HMGN2: variants seen among roughly 807,000 people sequenced by gnomAD.
The protein encoded by HMGN2 is high mobility group nucleosomal binding domain 2.
In HMGN2, 2 loss-of-function variants were observed where a neutral mutation model predicts 16.9. The observed-to-expected ratio is 0.12, with a 90% CI of 0.05 to 0.37. The LOEUF is 0.37. Ranked by LOEUF, HMGN2 falls within the 10% of genes least tolerant of loss-of-function variation. The pLI is 1.00. For synonymous variants in HMGN2, 31 were observed against 34.9 expected (o/e 0.89, Z 0.39); for missense variants, 90 against 106.0 (o/e 0.85, Z 0.66).
At chr1:26,473,899 T>A in intron 3 of HMGN2, 167 bp downstream of exon 3, 1 of 805,818 alleles carries the variant, frequency 1.2e-6, no homozygotes. Context: ...TTCTGATGCC[T>A]GTAGCCAAAG....
rs1317635182 is a variant in HMGN2, at chr1:26,474,673, A to C, written c.237+6A>C. On this transcript the variant is annotated splice_donor_region_variant and intron_variant, in intron 5 of 5. Transcript: ENST00000361427. ...GAGATGCCAAAACAGACCAGGTATA[A>C]CTGCTGTTTCACCCTTTGTTAGATT... The C allele has an allele frequency of 1.5e-6, 2 of 1,348,194 alleles. No individual in the cohort carries two copies. The highest frequency in any genetic ancestry group is 2.1e-6 in the Non-Finnish European group (2 of 940,260). 83.5% of individuals were successfully genotyped at this position (1,348,194 alleles called of 1,614,324 possible).
At chr1:26,472,722 G>A (rs1401488942) in intron 1 of HMGN2, 95 bp downstream of exon 1, 1 of 1,187,298 alleles carries the variant, frequency 8.4e-7, no homozygotes, top group South Asian at 1.5e-5. Context: ...GCGCCGAGCA[G>A]GAGCCAGCGC....
rs1285403303 is a variant in HMGN2, at chr1:26,474,601, G to A, written c.171G>A (p.Lys57=). ...GAGAGAAGGTACCCAAAGGGAAAAA[G>A]GGAAAAGCTGATGCTGGCAAGGAGG... ...KKGEKVPKGK[K]GKADAGKEGN... The change falls in exon 5 of 6, where the codon AAG becomes AAA. Residue 57 remains lysine, a synonymous_variant. Coordinates refer to ENST00000361427, the MANE Select transcript of HMGN2 (RefSeq NM_005517.4). 3.1e-6 allele frequency: 5 copies of A among 1,591,896 alleles called. No homozygotes were observed. In the South Asian group the frequency reaches 3.3e-5, roughly 11 times the overall value.
chr1:26,472,564 T>C lies in HMGN2; in HGVS notation c.-49T>C, dbSNP rs2075577093. 2.0e-6 allele frequency: 3 copies of C among 1,533,816 alleles called. No individual in the cohort carries two copies. The highest frequency in any genetic ancestry group is 2.6e-6 in the Non-Finnish European group (3 of 1,147,176). On this transcript the variant is annotated 5_prime_UTR_variant, in exon 1 of 6. Transcript: ENST00000361427. ...GGACCGACCAAAGCCCGCGCGCCGCTGCATCCCGCGTCCAGCACCTACGTC... is the reference window on the plus strand; with the variant it reads ...GGACCGACCAAAGCCCGCGCGCCGCCGCATCCCGCGTCCAGCACCTACGTC...
At chr1:26,473,357 A>T in intron 1 of HMGN2, 126 bp from the exon 2 acceptor site, 1 of 680,650 alleles carries the variant, frequency 1.5e-6, no homozygotes, top group Non-Finnish European at 2.6e-6. Context: ...CGTCGGGCTC[A>T]CTCATTTATG....
intron 5 of HMGN2, 175 bp downstream of exon 5, chr1:26,474,842 G>T (rs916713586): frequency 1.6e-6 from 1 of 621,062 alleles, no homozygotes; most frequent in African/African-American, 1.8e-5. Flanking sequence ...TCAGCTGAAG[G>T]GCATTGTGTT....
chr1:26,473,429 A>G, intron 1 of HMGN2, 54 bp from the exon 2 acceptor site: 1 of 1,281,148 alleles, frequency 7.8e-7, no homozygotes, highest in Non-Finnish European at 1.1e-6. Context: ...AAAGTTTGGG[A>G]AGTAATTAAG....
chr1:26,474,259 G>A (rs2075593875), intron 4 of HMGN2, 124 bp downstream of exon 4: 10 of 691,090 alleles, frequency 1.4e-5, no homozygotes, highest in Admixed American at 3.0e-5. Flanking sequence ...AGCTTACCTC[G>A]TCCGTGTCAT....
At position 26,475,736 on chromosome 1, in the gene HMGN2, A is replaced by G. The variant is rs1022392791; in HGVS notation, c.*588A>G. ...CAGGGTCGGCTTGTGAAAAGTTGTT[A>G]AACAACATGCTAAATGTGAAATGTC... On this transcript the variant is annotated 3_prime_UTR_variant, in exon 6 of 6. Coordinates refer to ENST00000361427, the MANE Select transcript of HMGN2 (RefSeq NM_005517.4). 1.7e-4 allele frequency: 54 copies of G among 322,940 alleles called. No individual in the cohort carries two copies. Among genetic ancestry groups the G allele is most frequent in the African/African-American group, 1.2e-3 (53 of 44,916 alleles). 20.0% of individuals were successfully genotyped at this position (322,940 alleles called of 1,614,324 possible).
rs755399680 is a variant in HMGN2 at position 26,475,078 on chromosome 1, C to G, written c.238-35C>G. The G allele has an allele frequency of 7.0e-6, 11 of 1,580,308 alleles. No individual in the cohort carries two copies. The East Asian group carries it at 2.5e-4, about 35-fold the overall frequency. ...ATGTGAACACAGATAGTTTTGAAAT[C>G]TACGCATTGCATTAATTTGTCTGTT... is the stretch of plus-strand genomic sequence containing the variant. On this transcript the variant is annotated intron_variant, in intron 5 of 5. Coordinates refer to ENST00000361427, the MANE Select transcript of HMGN2 (RefSeq NM_005517.4).
At chr1:26,472,776 G>A in intron 1 of HMGN2, 149 bp downstream of exon 1, 1 of 692,166 alleles carries the variant, frequency 1.4e-6, no homozygotes, top group East Asian at 3.3e-5. Flanking sequence ...GGCAGCTCGG[G>A]GCTAACCCTG....
At chr1:26,473,091 G>T in intron 1 of HMGN2, 1 of 247,282 alleles carries the variant, frequency 4.0e-6, no homozygotes, top group Non-Finnish European at 7.8e-6. Context: ...CGTTCCCCGC[G>T]CACGAGACGC....
chr1:26,474,098 C>T lies in HMGN2; in HGVS notation c.104C>T (p.Pro35Leu), dbSNP rs1200430659. The change falls in exon 4 of 6, where the codon CCA becomes CTA. Residue 35 changes from proline (P) to leucine (L), a missense_variant. Transcript: ENST00000361427. ...TGCCAAAAAAAGAAACCTGCTCCTC[C>T]AAAGCCAGAGCCCAAGCCTAAAAAG... ...SARLSAKPAP[P>L]KPEPKPKKAP... The T allele has an allele frequency of 1.9e-6, 3 of 1,611,404 alleles. No individual in the cohort carries two copies. The highest frequency in any genetic ancestry group is 4.5e-5 in the East Asian group (2 of 44,890).
At chr1:26,474,782 C>T (rs2075597245) in intron 5 of HMGN2, 115 bp downstream of exon 5, 1 of 664,320 alleles carries the variant, frequency 1.5e-6, no homozygotes, top group African/African-American at 1.8e-5. Flanking sequence ...GTCCAGTGTG[C>T]TTGTGGCTTT....
chr1:26,473,801 T>G (rs1463323211), intron 3 of HMGN2, 69 bp downstream of exon 3: 4 of 1,462,052 alleles, frequency 2.7e-6, no homozygotes, highest in Non-Finnish European at 2.9e-6. Context: ...CAATTCCCTT[T>G]GCTTCCATGA....
At chr1:26,472,679 C>A in intron 1 of HMGN2, 52 bp downstream of exon 1, 1 of 1,471,172 alleles carries the variant, frequency 6.8e-7, no homozygotes, top group Non-Finnish European at 9.1e-7. Flanking sequence ...GCCACCGCCG[C>A]CGCCGCCTCC....
At position 26,472,618 on chromosome 1, in the gene HMGN2, C is replaced by T; in HGVS notation, c.6C>T (p.Pro2=). 1 of 1,534,718 alleles carries T rather than the reference C, an allele frequency of 6.5e-7. No homozygotes were observed. The highest frequency in any genetic ancestry group is 8.7e-7 in the Non-Finnish European group (1 of 1,147,628). The change falls in exon 1 of 6, where the codon CCC becomes CCT. Residue 2 remains proline, a synonymous_variant. Transcript: ENST00000361427. The part of the protein sequence containing the change: M[P]KRKAEGDAKG... ...CTGCCGTCGCCGCCGCCACCATGCC[C>T]AAGAGAAAGGTACGTGGCGCGAGGG...
chr1:26,472,853 C>T (rs967893463), intron 1 of HMGN2, among the ~76,000 whole-genome samples: 2 of 151,938 alleles, frequency 1.3e-5, no homozygotes, highest in Admixed American at 1.3e-4. Flanking sequence ...CGGGAGGAGC[C>T]ATGTTGGCGG....
intron 1 of HMGN2, 75 bp downstream of exon 1, chr1:26,472,702 G>A: frequency 7.4e-7 from 1 of 1,347,030 alleles, no homozygotes; most frequent in Non-Finnish European, 1.0e-6. Flanking sequence ...GGTGCAGGGA[G>A]CGAGAATCGG....
Sources: allele counts gnomAD v4.1 joint callset (sites outside exome capture counted in the v4.1 genomes callset), GRCh38; gene constraint gnomAD v4.1.1; transcripts MANE v1.5; gene names NCBI Gene and HGNC (gene_info 2026-07-23, HGNC 2026-07-21).